The following SEMA3A variants were observed in gnomAD, a reference collection of about 807,000 sequenced individuals.
SEMA3A encodes semaphorin-3A.
A neutral mutation model predicts 97.9 loss-of-function variants in SEMA3A; 29 were observed. The observed-to-expected ratio is 0.30, with a 90% CI of 0.22 to 0.40. The LOEUF (loss-of-function observed/expected upper bound fraction) is 0.40, where lower values mean the gene tolerates loss of function less well. SEMA3A is among the 10% of genes least tolerant of loss of function. SEMA3A has a pLI of 1.00. For synonymous variants in SEMA3A, 321 were observed against 323.7 expected, an observed-to-expected ratio of 0.99 and a Z score of 0.09; for missense variants, 763 against 951.3, an observed-to-expected ratio of 0.80 and a Z score of 2.60.
intron 5 of SEMA3A, among the ~76,000 whole-genome samples, chr7:84,055,714 C>CTATA (rs1389232388): frequency 6.6e-6 from 1 of 152,230 alleles, no homozygotes; most frequent in African/African-American, 2.4e-5. Flanking sequence ...CCTATTCAGC[C>CTATA]ATCTTGGCTC....
chr7:84,282,349 A>G (rs1163700692), intron 3 of SEMA3A, among the ~76,000 whole-genome samples: 1 of 152,182 alleles, frequency 6.6e-6, no homozygotes, highest in South Asian at 2.1e-4. Flanking sequence ...TTCAACTTCC[A>G]GAACAGCTAA....
At chr7:84,060,783 G>A (rs1013821560) in intron 4 of SEMA3A, among the ~76,000 whole-genome samples, 11 of 152,168 alleles carry the variant, frequency 7.2e-5, no homozygotes, top group Non-Finnish European at 8.8e-5. Context: ...CAGTTAGCAC[G>A]TTGCAAACAA....
chr7:84,421,947 A>T (rs950729107), intron 1 of SEMA3A, among the ~76,000 whole-genome samples: 25 of 152,192 alleles, frequency 1.6e-4, no homozygotes, highest in Middle Eastern at 3.4e-3. Context: ...TTTTGCATCA[A>T]TGTTCTTCAG....
intron 3 of SEMA3A, among the ~76,000 whole-genome samples, chr7:84,267,535 A>T (rs1433077413): frequency 6.6e-6 from 1 of 152,136 alleles, no homozygotes; most frequent in Non-Finnish European, 1.5e-5. Context: ...TTAAAAATGT[A>T]ATTTTTTTCT....
chr7:84,017,782 T>C (rs1254984036), intron 6 of SEMA3A, among the ~76,000 whole-genome samples: 1 of 152,160 alleles, frequency 6.6e-6, no homozygotes, highest in Non-Finnish European at 1.5e-5. Context: ...TCTAAGTGTA[T>C]TCATCCCCTC....
At chr7:84,176,418 C>A (rs1797568479) in intron 1 of SEMA3A, among the ~76,000 whole-genome samples, 1 of 152,080 alleles carries the variant, frequency 6.6e-6, no homozygotes, top group African/African-American at 2.4e-5. Context: ...GGAAAACATA[C>A]CACGAGTTGG....
At chr7:84,179,656 A>G (rs1797677697) in intron 1 of SEMA3A, among the ~76,000 whole-genome samples, 1 of 152,072 alleles carries the variant, frequency 6.6e-6, no homozygotes, top group South Asian at 2.1e-4. Context: ...GGCTAATCCT[A>G]TGTTTCTTTC....
chr7:84,368,113 G>A (rs1802895742), intron 2 of SEMA3A, among the ~76,000 whole-genome samples: 1 of 151,060 alleles, frequency 6.6e-6, no homozygotes, highest in African/African-American at 2.4e-5. Flanking sequence ...AAATATTTAA[G>A]CTCACTTATA....
chr7:84,110,378 C>T (rs1005465813), intron 4 of SEMA3A, 92 bp downstream of exon 4: 2 of 1,455,172 alleles, frequency 1.4e-6, no homozygotes, highest in African/African-American at 2.8e-5. Flanking sequence ...AATAGTGAAC[C>T]ACAAGCAAAA....
chr7:84,185,988 A>G (rs541202457), intron 1 of SEMA3A, among the ~76,000 whole-genome samples: 3 of 152,270 alleles, frequency 2.0e-5, no homozygotes, highest in Non-Finnish European at 2.9e-5. Context: ...CTGTCAGTCA[A>G]ATATAGACAA....
chr7:84,091,155 GGAAGGAAGGAAGGAAA>G (rs1223102838), intron 4 of SEMA3A, among the ~76,000 whole-genome samples: 3 of 23,358 alleles, frequency 1.3e-4, no homozygotes, highest in East Asian at 1.1e-3. Context: ...AAGGAAGGAA[GGAAGGAAGGAAGGAAA>G]GAAAGAAAGA....
intron 6 of SEMA3A, among the ~76,000 whole-genome samples, chr7:84,046,024 T>C (rs1264530881): frequency 2.0e-5 from 3 of 151,570 alleles, no homozygotes; most frequent in East Asian, 3.9e-4. Flanking sequence ...TAAGACAGAA[T>C]TGGTAAGTCA....
At chr7:84,187,240 A>G (rs377238042) in intron 1 of SEMA3A, among the ~76,000 whole-genome samples, 1 of 152,236 alleles carries the variant, frequency 6.6e-6, no homozygotes. Context: ...CATTTGGTAG[A>G]ACTGATTTGA....
At position 84,274,200 on chromosome 7, in the gene SEMA3A, GA is replaced by G. The variant is rs553537932; in HGVS notation, c.-83+33006del. ...ACATGTAACTTGTCCCAGGTGAACC[GA>G]AAGTGCATGATCCACTTTGTGGTTT... On this transcript the variant is annotated intron_variant, in intron 3 of 3. Transcript: ENST00000424555. Among the ~76,000 whole-genome samples the G allele has an allele frequency of 5.9e-4, 90 of 151,968 alleles. 4 individuals carry two copies. In the South Asian group the frequency reaches 0.019, roughly 32 times the overall value.
At chr7:84,091,555 C>T (rs2115854250) in intron 4 of SEMA3A, among the ~76,000 whole-genome samples, 1 of 152,122 alleles carries the variant, frequency 6.6e-6, no homozygotes, top group East Asian at 1.9e-4. Flanking sequence ...CAACCAGAAG[C>T]TATTCAGCCG....
At chr7:84,188,965 T>C (rs183606170) in intron 1 of SEMA3A, among the ~76,000 whole-genome samples, 12 of 151,994 alleles carry the variant, frequency 7.9e-5, no homozygotes, top group Non-Finnish European at 1.2e-4. Flanking sequence ...ATTCTGTGCA[T>C]ATTTACCCTA....
intron 4 of SEMA3A, among the ~76,000 whole-genome samples, chr7:84,073,395 A>T (rs1793817001): frequency 6.6e-6 from 1 of 152,130 alleles, no homozygotes; most frequent in African/African-American, 2.4e-5. Context: ...CAAAATTTCC[A>T]AAGAAAATAA....
At chr7:84,158,148 CT>C (rs1187182577) in intron 1 of SEMA3A, among the ~76,000 whole-genome samples, 1,691 of 82,228 alleles carry the variant, frequency 0.021, 1 homozygote, top group South Asian at 0.029. Context: ...ACAGCTAATT[CT>C]TTTTTTTTTT....
chr7:84,067,423 G>A (rs1056446855), intron 4 of SEMA3A, among the ~76,000 whole-genome samples: 1 of 151,958 alleles, frequency 6.6e-6, no homozygotes, highest in African/African-American at 2.4e-5. Context: ...TTGACAAATG[G>A]GATCTAATTA....
Sources: allele counts gnomAD v4.1 joint callset (sites outside exome capture counted in the v4.1 genomes callset), GRCh38; gene constraint gnomAD v4.1.1; transcripts MANE v1.5; gene names NCBI Gene and HGNC (gene_info 2026-07-23, HGNC 2026-07-21).